The following TMEM266 variants were observed in gnomAD, a reference collection of about 807,000 sequenced individuals.
The protein encoded by TMEM266 is transmembrane protein 266.
A neutral mutation model predicts 50.5 loss-of-function variants in TMEM266; 33 were observed. That is an observed-to-expected ratio of 0.65 (90% CI 0.50 to 0.87). TMEM266 has a LOEUF of 0.87. TMEM266 is among the 40% of genes least tolerant of loss of function. The pLI is 0.00. For missense variants in TMEM266, 655 were observed against 695.1 expected, an observed-to-expected ratio of 0.94 and a Z score of 0.65; for synonymous variants, 310 against 292.3, an observed-to-expected ratio of 1.06 and a Z score of -0.62.
chr15:76,158,462 G>A (rs571570678), intron 4 of TMEM266, among the ~76,000 whole-genome samples: 11 of 152,246 alleles, frequency 7.2e-5, no homozygotes, highest in Admixed American at 6.5e-4. Context: ...TCCCCGTGGC[G>A]GATTGTCCTC....
intron 1 of TMEM266, among the ~76,000 whole-genome samples, chr15:76,081,190 A>G (rs1184757338): frequency 6.6e-6 from 1 of 152,250 alleles, no homozygotes; most frequent in African/African-American, 2.4e-5. Flanking sequence ...AAAAGGTCAC[A>G]AGAAGGCAAG....
At chr15:76,182,142 A>T (rs1326235087) in intron 8 of TMEM266, among the ~76,000 whole-genome samples, 1 of 152,106 alleles carries the variant, frequency 6.6e-6, no homozygotes, top group East Asian at 1.9e-4. Context: ...GGGAGCTTGG[A>T]GGAGTGGAAA....
At chr15:76,199,571 G>A (rs1246905258) in intron 9 of TMEM266, among the ~76,000 whole-genome samples, 1 of 152,218 alleles carries the variant, frequency 6.6e-6, no homozygotes, top group Non-Finnish European at 1.5e-5. Flanking sequence ...AGCTCCACAT[G>A]AGTTGGCAGA....
In TMEM266 at chr15:76,203,903, C is replaced by T. The variant is rs1470851793; in HGVS notation, c.1184C>T (p.Thr395Ile). The stretch of plus-strand genomic sequence containing the variant: ...GAGAGTGCCTCCCGCAGCTCAGTCA[C>T]CCGGGCCCAGAGTGACAGCAGCCAG... Residue 395 changes from threonine to isoleucine, a missense_variant, in exon 11 of 11, where the codon ACC becomes ATC. Thr to Ile is a moderately conservative substitution (Grantham distance 89). Around this residue, in one of 3 missense-constraint regions of TMEM266, gnomAD observed 455 missense variants for 401.8 expected, o/e 1.13. Transcript: ENST00000388942. The T allele has an allele frequency of 1.2e-6, 2 of 1,614,170 alleles. No homozygotes were observed. Among genetic ancestry groups the T allele is most frequent in the Admixed American group, 1.7e-5 (1 of 60,028 alleles).
rs147341507 is a variant in TMEM266, at chr15:76,136,047, G to A, written c.39-1660G>A. Reference sequence around the variant, plus strand: ...CAACCTCCATCTCCCGGGTTCAAGCGATTCTCCTGCCTCAGCCTCCCAAGT... The same window carrying A: ...CAACCTCCATCTCCCGGGTTCAAGCAATTCTCCTGCCTCAGCCTCCCAAGT... On this transcript the variant is annotated intron_variant, in intron 2 of 10. Transcript: ENST00000388942. 2.6e-3 allele frequency among the ~76,000 whole-genome samples: 394 copies of A among 151,878 alleles called. 1 individual carries two copies. The highest frequency in any genetic ancestry group is 9.0e-3 in the African/African-American group (374 of 41,434).
intron 1 of TMEM266, among the ~76,000 whole-genome samples, chr15:76,132,139 C>T (rs1297482192): frequency 2.0e-5 from 3 of 151,068 alleles, no homozygotes; most frequent in African/African-American, 4.9e-5. Flanking sequence ...GATGGAGTCT[C>T]GCTCTGTCGC....
At chr15:76,170,300 G>A (rs1163285804) in intron 6 of TMEM266, among the ~76,000 whole-genome samples, 4 of 152,158 alleles carry the variant, frequency 2.6e-5, no homozygotes, top group East Asian at 1.9e-4. Flanking sequence ...CCTGGCTGTC[G>A]CTGGCAGTGT....
intron 1 of TMEM266, among the ~76,000 whole-genome samples, chr15:76,076,033 T>C (rs934418349): frequency 4.6e-5 from 7 of 151,120 alleles, no homozygotes; most frequent in Non-Finnish European, 8.8e-5. Flanking sequence ...ATTTTTTAAT[T>C]TTTCTGTAGA....
intron 1 of TMEM266, among the ~76,000 whole-genome samples, chr15:76,089,601 T>C (rs189979716): frequency 3.3e-4 from 50 of 152,226 alleles, no homozygotes; most frequent in African/African-American, 1.1e-3. Flanking sequence ...TGTATGATAC[T>C]AATAAGTTTA....
chr15:76,169,425 G>A (rs138950400), intron 5 of TMEM266, among the ~76,000 whole-genome samples: 33 of 152,252 alleles, frequency 2.2e-4, no homozygotes, highest in African/African-American at 6.7e-4. Flanking sequence ...TTGAAGATTC[G>A]TAAGTGGTTT....
intron 1 of TMEM266, among the ~76,000 whole-genome samples, chr15:76,073,172 C>T (rs1455700699): frequency 6.6e-6 from 1 of 151,532 alleles, no homozygotes; most frequent in Non-Finnish European, 1.5e-5. Flanking sequence ...CTCAGGTGAT[C>T]CACCTGCCTC....
intron 1 of TMEM266, among the ~76,000 whole-genome samples, chr15:76,121,147 G>A (rs904111743): frequency 2.6e-5 from 4 of 152,150 alleles, no homozygotes; most frequent in Non-Finnish European, 5.9e-5. Flanking sequence ...GGATTTCTAT[G>A]CCTGGGTATT....
At chr15:76,134,340 G>A (rs753891578) in intron 2 of TMEM266, 39 bp downstream of exon 2, 1 of 1,596,388 alleles carries the variant, frequency 6.3e-7, no homozygotes, top group South Asian at 1.1e-5. Flanking sequence ...ATCCAGAACT[G>A]TGGCTATAAA....
At chr15:76,080,539 G>A (rs944462548) in intron 1 of TMEM266, among the ~76,000 whole-genome samples, 45 of 151,178 alleles carry the variant, frequency 3.0e-4, no homozygotes, top group African/African-American at 2.7e-4. Context: ...GTGAGCCACC[G>A]TGCCCTGCCA....
chr15:76,169,996 C>A, intron 6 of TMEM266, 124 bp downstream of exon 6: 1 of 927,840 alleles, frequency 1.1e-6, no homozygotes, highest in Non-Finnish European at 1.7e-6. Flanking sequence ...CACTTGACCT[C>A]TGTGGCTGTG....
chr15:76,194,119 G>A lies in TMEM266; in HGVS notation c.958+1962G>A, dbSNP rs567426090. Among the ~76,000 whole-genome samples, 7 of 152,266 alleles carry A rather than the reference G, an allele frequency of 4.6e-5. No homozygotes were observed. The East Asian group carries it at 7.7e-4, about 17-fold the overall frequency. On this transcript the variant is annotated intron_variant, in intron 9 of 10. Transcript: ENST00000388942. Reference sequence around the variant, plus strand: ...GAGCTCATAGCTGACCCAGCCTCACGTGCTCCCCACACAGCTCAGCTGAGC... The same window carrying A: ...GAGCTCATAGCTGACCCAGCCTCACATGCTCCCCACACAGCTCAGCTGAGC...
At chr15:76,169,983 T>C (rs2038163402) in intron 6 of TMEM266, 111 bp downstream of exon 6, 3 of 1,117,086 alleles carry the variant, frequency 2.7e-6, no homozygotes, top group East Asian at 2.6e-5. Flanking sequence ...TGGTTCCTTC[T>C]CCCACTTGAC....
chr15:76,157,364 T>C (rs1452840524), intron 4 of TMEM266, among the ~76,000 whole-genome samples: 1 of 152,244 alleles, frequency 6.6e-6, no homozygotes, highest in Non-Finnish European at 1.5e-5. Flanking sequence ...AGTGAGATAC[T>C]TGCCCTAAGT....
At chr15:76,110,206 T>C (rs994770277) in intron 1 of TMEM266, among the ~76,000 whole-genome samples, 8 of 151,944 alleles carry the variant, frequency 5.3e-5, no homozygotes, top group African/African-American at 1.9e-4. Context: ...GGTTTCACCA[T>C]GTTGGCCAGG....
Sources: allele counts gnomAD v4.1 joint callset (sites outside exome capture counted in the v4.1 genomes callset), GRCh38; gene constraint gnomAD v4.1.1; regional missense constraint gnomAD v4.1.1; transcripts MANE v1.5; gene names NCBI Gene and HGNC (gene_info 2026-07-23, HGNC 2026-07-21).